The following EYS variants were observed in gnomAD, a reference collection of about 807,000 sequenced individuals.
EYS encodes the protein protein eyes shut homolog.
Under a neutral mutation model 282.1 loss-of-function variants are expected in EYS, and 250 were observed. The ratio of observed to expected loss-of-function variants is 0.89; its 90% CI spans 0.80 to 0.98. The LOEUF (loss-of-function observed/expected upper bound fraction) is 0.98. Ranked by LOEUF, EYS falls within the 50% of genes least tolerant of loss-of-function variation. EYS has a pLI of 0.00. For synonymous variants in EYS, 1,355 were observed against 1,282.9 expected (o/e 1.06, Z -1.20); for missense variants, 4,016 against 3,709.0 (o/e 1.08, Z -2.15).
At chr6:64,947,883 A>G (rs1000275064) in intron 14 of EYS, among the ~76,000 whole-genome samples, 3 of 151,748 alleles carry the variant, frequency 2.0e-5, no homozygotes, top group African/African-American at 7.2e-5. Flanking sequence ...TTCTCATATT[A>G]TGGGGTATAA....
intron 14 of EYS, among the ~76,000 whole-genome samples, chr6:64,952,121 A>C (rs1283173241): frequency 3.3e-5 from 5 of 152,066 alleles, no homozygotes; most frequent in Admixed American, 1.3e-4. Context: ...CTTACTCCCC[A>C]GTATCAGAAG....
chr6:63,768,290 C>T (rs1321443194), intron 40 of EYS, among the ~76,000 whole-genome samples: 2 of 151,824 alleles, frequency 1.3e-5, no homozygotes, highest in African/African-American at 2.4e-5. Flanking sequence ...AAACAGACAA[C>T]CTACAAAATG....
intron 7 of EYS, among the ~76,000 whole-genome samples, chr6:65,384,849 C>T (rs1765741371): frequency 6.6e-6 from 1 of 151,640 alleles, no homozygotes; most frequent in Admixed American, 6.6e-5. Flanking sequence ...TTTAGTAGAG[C>T]CAGTATATAC....
chr6:64,951,320 A>G (rs1769500604), intron 14 of EYS, among the ~76,000 whole-genome samples: 1 of 151,976 alleles, frequency 6.6e-6, no homozygotes, highest in Non-Finnish European at 1.5e-5. Flanking sequence ...GCAAAAAAAC[A>G]AAAACAAAAA....
At chr6:65,217,403 T>C (rs1014117908) in intron 12 of EYS, among the ~76,000 whole-genome samples, 7 of 152,056 alleles carry the variant, frequency 4.6e-5, no homozygotes, top group South Asian at 2.1e-4. Flanking sequence ...TTAGAAATTA[T>C]ATGATCACTT....
At chr6:63,799,260 C>T (rs956185974) in intron 37 of EYS, among the ~76,000 whole-genome samples, 6 of 151,598 alleles carry the variant, frequency 4.0e-5, no homozygotes, top group Admixed American at 6.6e-5. Flanking sequence ...GTGATCCACC[C>T]GCCTTGGCCT....
At chr6:65,109,546 T>A (rs1025170072) in intron 12 of EYS, among the ~76,000 whole-genome samples, 7 of 152,022 alleles carry the variant, frequency 4.6e-5, no homozygotes, top group African/African-American at 9.7e-5. Context: ...GTTGGGCATG[T>A]GAGAAGGTAA....
At chr6:65,398,784 T>A (rs1235017861) in intron 7 of EYS, among the ~76,000 whole-genome samples, 2 of 152,116 alleles carry the variant, frequency 1.3e-5, no homozygotes, top group Admixed American at 6.6e-5. Flanking sequence ...CTATTAGGTG[T>A]CTTGTCTAAC....
intron 26 of EYS, among the ~76,000 whole-genome samples, chr6:64,567,400 T>C (rs947898731): frequency 6.6e-6 from 1 of 152,234 alleles, no homozygotes; most frequent in East Asian, 1.9e-4. Context: ...ACTTAATGTG[T>C]ATTAAACAAA....
chr6:64,970,059 A>T (rs992661201), intron 14 of EYS, among the ~76,000 whole-genome samples: 1 of 152,074 alleles, frequency 6.6e-6, no homozygotes, highest in African/African-American at 2.4e-5. Context: ...TTATAAGCAG[A>T]TTTTTTTCAA....
chr6:64,411,077 G>T (rs1423110275), intron 28 of EYS, among the ~76,000 whole-genome samples: 3 of 152,080 alleles, frequency 2.0e-5, no homozygotes, highest in Non-Finnish European at 2.9e-5. Flanking sequence ...TATGTGTGGG[G>T]ATAATCAGGA....
chr6:65,156,887 T>C (rs1424083252), intron 12 of EYS, among the ~76,000 whole-genome samples: 1 of 151,034 alleles, frequency 6.6e-6, no homozygotes, highest in Admixed American at 6.6e-5. Context: ...ATTATCCCTC[T>C]GACAAATTGG....
intron 26 of EYS, among the ~76,000 whole-genome samples, chr6:64,528,544 T>A (rs1430038142): frequency 1.3e-5 from 2 of 151,990 alleles, no homozygotes; most frequent in Admixed American, 1.3e-4. Flanking sequence ...TTGCTTTGAA[T>A]CTTTTATCTT....
intron 8 of EYS, among the ~76,000 whole-genome samples, chr6:65,379,288 C>T (rs1765519923): frequency 6.6e-6 from 1 of 152,072 alleles, no homozygotes; most frequent in South Asian, 2.1e-4. Flanking sequence ...TGGCTTTATC[C>T]ATGGGATGCA....
chr6:64,723,721 G>T (rs1293512080), intron 22 of EYS, among the ~76,000 whole-genome samples: 6 of 152,188 alleles, frequency 3.9e-5, no homozygotes, highest in African/African-American at 1.4e-4. Flanking sequence ...GAGCATCGCT[G>T]AAAGCCTGGA....
At chr6:64,582,353 TCTAACTAATG>T (rs1281526220) in intron 26 of EYS, among the ~76,000 whole-genome samples, 4 of 152,102 alleles carry the variant, frequency 2.6e-5, no homozygotes, top group Non-Finnish European at 5.9e-5. Context: ...CTGATGAGAA[TCTAACTAATG>T]CCTGGTGATC....
At chr6:64,640,571 G>T (rs1005258167) in intron 22 of EYS, among the ~76,000 whole-genome samples, 1 of 151,030 alleles carries the variant, frequency 6.6e-6, no homozygotes, top group African/African-American at 2.4e-5. Context: ...GACTGTTGTG[G>T]GGTGGGGGGA....
At chr6:65,695,337 A>C (rs1451222235) in intron 1 of EYS, among the ~76,000 whole-genome samples, 2 of 152,118 alleles carry the variant, frequency 1.3e-5, no homozygotes, top group African/African-American at 4.8e-5. Flanking sequence ...TAGGATTAAT[A>C]ATATTTCCCG....
intron 29 of EYS, among the ~76,000 whole-genome samples, chr6:64,366,891 G>A (rs1484731199): frequency 6.6e-6 from 1 of 152,022 alleles, no homozygotes; most frequent in Admixed American, 6.6e-5. Flanking sequence ...AGTTGATTAT[G>A]ACAAAGTTTA....
Sources: allele counts gnomAD v4.1 joint callset (sites outside exome capture counted in the v4.1 genomes callset), GRCh38; gene constraint gnomAD v4.1.1; transcripts MANE v1.5; gene names NCBI Gene and HGNC (gene_info 2026-07-23, HGNC 2026-07-21).